CREM: variants seen among roughly 807,000 people sequenced by gnomAD.
CREM encodes the protein cAMP-responsive element modulator.
CREM carries 13 observed loss-of-function variants against 37.3 expected under a neutral mutation model. The observed-to-expected ratio is 0.35, with a 90% confidence interval of 0.23 to 0.55. The LOEUF (loss-of-function observed/expected upper bound fraction) is 0.55. Ranked by LOEUF, CREM falls within the 20% of genes least tolerant of loss-of-function variation. The probability of loss-of-function intolerance (pLI) is 0.88; values close to 1 mark genes in which losing one functional copy is unlikely to be tolerated. For synonymous variants in CREM, 124 were observed against 120.2 expected (o/e 1.03, Z -0.21); for missense variants, 296 against 362.3 (o/e 0.82, Z 1.49).
At chr10:35,149,939 C>CACACACACA (rs1554890903) in intron 3 of CREM, among the ~76,000 whole-genome samples, 68 of 145,172 alleles carry the variant, frequency 4.7e-4, no homozygotes, top group South Asian at 8.8e-4. Context: ...CACACACACA[C>CACACACACA]CCTTGTTAAA....
intron 2 of CREM, among the ~76,000 whole-genome samples, chr10:35,144,869 G>A (rs1273949041): frequency 6.6e-6 from 1 of 151,160 alleles, no homozygotes; most frequent in Non-Finnish European, 1.5e-5. Context: ...TTATTGAGTT[G>A]TAACTTCCAG....
rs987697165 is a variant in CREM at position 35,212,843 on chromosome 10, C to T, written c.*1445C>T. 6.5e-6 allele frequency: 1 copy of T among 152,736 alleles called. No homozygotes were observed. Among genetic ancestry groups the T allele is most frequent in the African/African-American group, 2.4e-5 (1 of 41,450 alleles). 9.5% of individuals were successfully genotyped at this position (152,736 alleles called of 1,614,324 possible). A position where few individuals can be genotyped will look rare whatever the true frequency, so the allele number is the denominator to read the frequency against. ...CAAAGTCCACATTAGATCAGATACT[C>T]CGCTGTCGGCACATTCAGCTGAGGT... On this transcript the variant is annotated 3_prime_UTR_variant, in exon 8 of 8. Transcript: ENST00000685392.
Position 35,148,442 on chromosome 10 carries a change from C to T in CREM, c.119C>T (p.Ala40Val), listed in dbSNP as rs765287917. ...GCTTCTTTGACAGAGAGCAAGTCTG[C>T]TCATGTGCAGACTCAGACTGGCCAA... The part of the protein sequence containing the change: ...ITASLTESKS[A>V]HVQTQTGQNS... The change falls in exon 3 of 8, where the codon GCT becomes GTT. Residue 40 changes from alanine (A) to valine (V), a missense_variant. Ala to Val is a moderately conservative substitution (Grantham distance 64). This residue lies in a region of CREM where 257 missense variants were observed against 280.2 expected (regional missense o/e 0.92). Coordinates refer to ENST00000685392, the MANE Select transcript of CREM (RefSeq NM_183011.2). 1 of 1,613,582 alleles carries T rather than the reference C, an allele frequency of 6.2e-7. No homozygotes were observed. Among genetic ancestry groups the T allele is most frequent in the Non-Finnish European group, 8.5e-7 (1 of 1,179,746 alleles).
intron 2 of CREM, among the ~76,000 whole-genome samples, chr10:35,143,472 AG>A (rs1373263743): frequency 6.6e-6 from 1 of 152,174 alleles, no homozygotes; most frequent in Non-Finnish European, 1.5e-5. Context: ...TAATTTTTTC[AG>A]AGCTGGACCA....
chr10:35,155,843 A>G (rs2092869336), intron 3 of CREM, among the ~76,000 whole-genome samples: 1 of 151,222 alleles, frequency 6.6e-6, no homozygotes, highest in African/African-American at 2.4e-5. Flanking sequence ...GTTAGCCAGG[A>G]TGATCTTGAT....
intron 1 of CREM, among the ~76,000 whole-genome samples, chr10:35,135,275 TC>T (rs1437661201): frequency 2.6e-5 from 4 of 152,216 alleles, no homozygotes; most frequent in African/African-American, 9.6e-5. Flanking sequence ...AACAAACTAA[TC>T]TAAAATATGC....
chr10:35,149,693 G>A (rs1342536008), intron 3 of CREM, among the ~76,000 whole-genome samples: 1 of 152,014 alleles, frequency 6.6e-6, no homozygotes. Flanking sequence ...CACTTCTTGG[G>A]TTATATTAGG....
intron 1 of CREM, among the ~76,000 whole-genome samples, chr10:35,136,170 T>G (rs1161786368): frequency 6.6e-6 from 1 of 151,824 alleles, no homozygotes. Context: ...TTTAAAGTTT[T>G]GAACCACAAG....
chr10:35,192,895 G>A (rs563119286), intron 6 of CREM, among the ~76,000 whole-genome samples: 4 of 152,270 alleles, frequency 2.6e-5, no homozygotes, highest in African/African-American at 9.6e-5. Context: ...CTTGATCCAA[G>A]CCTTGCATTC....
chr10:35,193,797 C>A (rs1020628959), intron 6 of CREM, among the ~76,000 whole-genome samples: 1 of 151,990 alleles, frequency 6.6e-6, no homozygotes, highest in African/African-American at 2.4e-5. Context: ...GGGTTGAATT[C>A]TAATCATACA....
intron 6 of CREM, among the ~76,000 whole-genome samples, chr10:35,193,176 T>TA (rs1448428914): frequency 1.3e-5 from 2 of 152,146 alleles, no homozygotes; most frequent in African/African-American, 4.8e-5. Flanking sequence ...TTTGGACAAA[T>TA]ACCTAGCACA....
At chr10:35,193,242 T>C (rs2094995998) in intron 6 of CREM, among the ~76,000 whole-genome samples, 1 of 152,230 alleles carries the variant, frequency 6.6e-6, no homozygotes, top group Admixed American at 6.5e-5. Flanking sequence ...AGTGAACTGT[T>C]CTTCCTCTGA....
intron 2 of CREM, among the ~76,000 whole-genome samples, chr10:35,146,099 G>A (rs1438473152): frequency 6.6e-6 from 1 of 152,250 alleles, no homozygotes; most frequent in East Asian, 1.9e-4. Flanking sequence ...GGCCTGCCAT[G>A]TAGACTATGC....
chr10:35,159,724 G>A (rs890313089), intron 3 of CREM, among the ~76,000 whole-genome samples: 3 of 152,260 alleles, frequency 2.0e-5, no homozygotes, highest in South Asian at 2.1e-4. Context: ...ACAGTATTAC[G>A]TCAAACTATA....
At chr10:35,174,744 C>G (rs1054364973) in intron 3 of CREM, among the ~76,000 whole-genome samples, 2 of 152,138 alleles carry the variant, frequency 1.3e-5, no homozygotes, top group Admixed American at 6.5e-5. Context: ...TTATGCTAGC[C>G]TATAGGACAG....
intron 5 of CREM, among the ~76,000 whole-genome samples, chr10:35,183,743 A>G (rs915684092): frequency 6.6e-6 from 1 of 152,238 alleles, no homozygotes; most frequent in African/African-American, 2.4e-5. Context: ...ATGTGTATGT[A>G]TTTTAATTAG....
At chr10:35,165,409 A>G (rs1182956679) in intron 3 of CREM, among the ~76,000 whole-genome samples, 1 of 152,162 alleles carries the variant, frequency 6.6e-6, no homozygotes, top group Non-Finnish European at 1.5e-5. Flanking sequence ...TTATATTTCA[A>G]CATGAGATTG....
intron 1 of CREM, among the ~76,000 whole-genome samples, chr10:35,130,263 G>A (rs537458824): frequency 2.0e-5 from 3 of 149,554 alleles, no homozygotes; most frequent in South Asian, 2.1e-4. Flanking sequence ...AGGTAGAAAT[G>A]AACATTTTAA....
intron 5 of CREM, among the ~76,000 whole-genome samples, chr10:35,187,172 A>AT (rs1352546838): frequency 4.8e-5 from 2 of 41,684 alleles, no homozygotes; most frequent in African/African-American, 8.7e-5. Flanking sequence ...ATTATATATT[A>AT]ATATTAATAT....
Sources: gnomAD v4.1 joint callset for allele counts (sites outside exome capture counted in the v4.1 genomes callset) on GRCh38, gnomAD v4.1.1 for gene constraint, gnomAD v4.1.1 regional missense constraint, MANE v1.5 for transcripts, NCBI Gene and HGNC (gene_info 2026-07-23, HGNC 2026-07-21) for gene names.